The following AMPH variants were observed in gnomAD, a reference collection of about 807,000 sequenced individuals.
AMPH encodes amphiphysin (Stiff-Mann syndrome with breast cancer 128kD autoantigen).
In AMPH, 49 loss-of-function variants were observed where a neutral mutation model predicts 99.1. The observed-to-expected ratio is 0.49, with a 90% confidence interval of 0.39 to 0.63. The LOEUF (loss-of-function observed/expected upper bound fraction) is 0.63. Ranked by LOEUF, AMPH falls within the 20% of genes least tolerant of loss-of-function variation. AMPH has a pLI of 0.00. For synonymous variants in AMPH, 314 were observed against 317.3 expected (o/e 0.99, Z 0.11); for missense variants, 759 against 863.4 (o/e 0.88, Z 1.52).
chr7:38,620,955 C>T (rs778583939), intron 1 of AMPH, among the ~76,000 whole-genome samples: 1 of 152,096 alleles, frequency 6.6e-6, no homozygotes, highest in Non-Finnish European at 1.5e-5. Context: ...CAGCAGTGGA[C>T]CCAATTAGGG....
At chr7:38,631,241 G>A in intron 1 of AMPH, 42 bp downstream of exon 1, 1 of 1,496,850 alleles carries the variant, frequency 6.7e-7, no homozygotes, top group Non-Finnish European at 8.9e-7. Context: ...CCAAGCCCCC[G>A]CCTGGCGTCC....
intron 12 of AMPH, among the ~76,000 whole-genome samples, chr7:38,435,305 T>C (rs1584087787): frequency 6.6e-6 from 1 of 152,328 alleles, no homozygotes; most frequent in African/African-American, 2.4e-5. Flanking sequence ...ATAATCCTTA[T>C]TTATTAAGGT....
chr7:38,571,071 TA>T (rs1490303889), intron 1 of AMPH, among the ~76,000 whole-genome samples: 1 of 57,710 alleles, frequency 1.7e-5, no homozygotes, highest in Non-Finnish European at 3.1e-5. Context: ...TGAATATATA[TA>T]GAATATATAT....
chr7:38,466,255 T>G lies in AMPH; in HGVS notation c.591-7A>C, dbSNP rs761358375. On this transcript the variant is annotated splice_region_variant and splice_polypyrimidine_tract_variant and intron_variant, in intron 7 of 20. Transcript: ENST00000356264. ...AACATAAAATCCAACTCGTCTGCCA[T>G]GTGGAAACACAAAGAGGAAAGAAGA... is the stretch of plus-strand genomic sequence containing the variant. The G allele has an allele frequency of 6.3e-7, 1 of 1,585,088 alleles. No individual in the cohort carries two copies. The highest frequency in any genetic ancestry group is 8.5e-7 in the Non-Finnish European group (1 of 1,170,688).
At chr7:38,443,874 G>A (rs997722419) in intron 11 of AMPH, among the ~76,000 whole-genome samples, 5 of 151,650 alleles carry the variant, frequency 3.3e-5, no homozygotes, top group African/African-American at 9.7e-5. Context: ...AAAAGGCACC[G>A]AGATTGCAAA....
rs770659075 is a variant in AMPH at position 38,389,819 on chromosome 7, A to G, written c.1965T>C (p.Asp655=). The change falls in exon 20 of 21, where the codon GAT becomes GAC. Residue 655 remains aspartate, a synonymous_variant. Transcript: ENST00000356264. ...TTTCTTTTACCTGATCAGCTTCTGA[A>G]TCTGAGGGGACCACCAGCACCACAT... ...RGDVVLVVPS[D]SEADQDAGWL... 7 of 1,613,774 alleles carry G rather than the reference A, an allele frequency of 4.3e-6. No individual in the cohort carries two copies. In the African/African-American group the frequency reaches 8.0e-5, roughly 18 times the overall value.
At chr7:38,520,418 CA>C (rs994354051) in intron 2 of AMPH, among the ~76,000 whole-genome samples, 1 of 152,060 alleles carries the variant, frequency 6.6e-6, no homozygotes, top group Non-Finnish European at 1.5e-5. Flanking sequence ...ACATAATATG[CA>C]AAGCAAAGGG....
At chr7:38,439,307 T>C (rs1786413154) in intron 11 of AMPH, among the ~76,000 whole-genome samples, 1 of 152,210 alleles carries the variant, frequency 6.6e-6, no homozygotes, top group Non-Finnish European at 1.5e-5. Flanking sequence ...AAAATTACTG[T>C]CATCAAATAT....
At chr7:38,599,936 T>C (rs1323594035) in intron 1 of AMPH, among the ~76,000 whole-genome samples, 6 of 152,190 alleles carry the variant, frequency 3.9e-5, no homozygotes, top group South Asian at 2.1e-4. Context: ...CAGAGCACTG[T>C]GATATAAAAT....
intron 7 of AMPH, among the ~76,000 whole-genome samples, chr7:38,467,640 A>ATGTG (rs70977407): frequency 0.36 from 53,548 of 148,538 alleles, 9,819 homozygotes; most frequent in Middle Eastern, 0.43. Context: ...CAATGGAAAT[A>ATGTG]TGTGTGTGTG....
chr7:38,602,607 C>T (rs1413920574), intron 1 of AMPH, among the ~76,000 whole-genome samples: 3 of 152,292 alleles, frequency 2.0e-5, no homozygotes, highest in South Asian at 2.1e-4. Context: ...AGTGAGCCTA[C>T]CCCAGTAATC....
chr7:38,464,239 C>T (rs1442479542), intron 9 of AMPH: 7 of 763,038 alleles, frequency 9.2e-6, no homozygotes, highest in Admixed American at 8.1e-5. Flanking sequence ...GGGAACAACC[C>T]TAAATTTTTT....
intron 5 of AMPH, among the ~76,000 whole-genome samples, chr7:38,484,213 C>T (rs77356140): frequency 0.017 from 2,548 of 152,144 alleles, 76 homozygotes; most frequent in African/African-American, 0.058. Flanking sequence ...GAAATAATGA[C>T]TGAAAACCTC....
intron 1 of AMPH, among the ~76,000 whole-genome samples, chr7:38,614,024 T>C (rs1793778978): frequency 6.6e-6 from 1 of 151,770 alleles, no homozygotes; most frequent in South Asian, 2.1e-4. Flanking sequence ...GACATCCACA[T>C]CCAAAGACCG....
At chr7:38,387,023 C>T (rs1784368212) in intron 20 of AMPH, among the ~76,000 whole-genome samples, 1 of 152,104 alleles carries the variant, frequency 6.6e-6, no homozygotes, top group African/African-American at 2.4e-5. Context: ...GGATAAACTG[C>T]CTTGAAATCC....
At chr7:38,506,496 G>T (rs1425013470) in intron 2 of AMPH, among the ~76,000 whole-genome samples, 1 of 152,118 alleles carries the variant, frequency 6.6e-6, no homozygotes, top group African/African-American at 2.4e-5. Flanking sequence ...TCAGATTTCA[G>T]ATAATTTAAG....
chr7:38,630,524 A>T (rs1045552946), intron 1 of AMPH, among the ~76,000 whole-genome samples: 4 of 152,242 alleles, frequency 2.6e-5, no homozygotes, highest in African/African-American at 7.2e-5. Context: ...TGGATTTTTT[A>T]AAATGCAATA....
At chr7:38,525,334 T>G (rs1189741064) in intron 2 of AMPH, among the ~76,000 whole-genome samples, 2 of 141,582 alleles carry the variant, frequency 1.4e-5, no homozygotes, top group Non-Finnish European at 1.5e-5. Flanking sequence ...CATCCTGTAC[T>G]CAGTCTTCCT....
At chr7:38,438,690 T>C (rs1786387005) in intron 11 of AMPH, among the ~76,000 whole-genome samples, 1 of 152,190 alleles carries the variant, frequency 6.6e-6, no homozygotes, top group African/African-American at 2.4e-5. Flanking sequence ...GATCAATCTG[T>C]GGTTATACCC....
Sources: allele counts gnomAD v4.1 joint callset (sites outside exome capture counted in the v4.1 genomes callset), GRCh38; gene constraint gnomAD v4.1.1; transcripts MANE v1.5; gene names NCBI Gene and HGNC (gene_info 2026-07-23, HGNC 2026-07-21).